The following UGT1A7 variants were observed in gnomAD, a reference collection of about 807,000 sequenced individuals.
UGT1A7 encodes UDP glucuronosyltransferase family 1 member A7.
UGT1A7 carries 33 observed loss-of-function variants against 45.6 expected under a neutral mutation model. The ratio of observed to expected loss-of-function variants is 0.72; its 90% CI spans 0.55 to 0.97. The LOEUF (loss-of-function observed/expected upper bound fraction) is 0.97, where lower values mean the gene tolerates loss of function less well. Among genes scored for constraint, UGT1A7 ranks in the 50% least tolerant of loss-of-function variants. The pLI is 0.00. For synonymous variants in UGT1A7, 274 were observed against 250.6 expected (o/e 1.09, Z -0.88); for missense variants, 684 against 666.2 (o/e 1.03, Z -0.29).
Position 233,769,767 on chromosome 2 carries a change from A to T in UGT1A7, c.1295+1328A>T. On this transcript the variant is annotated intron_variant, in intron 4 of 4. Transcript: ENST00000373426. The surrounding 1 kb of genome is among the most constrained non-coding windows in gnomAD (Gnocchi z 4.4). The stretch of plus-strand genomic sequence containing the variant: ...CCACTCTGGAGGCTAAGGCGGGAGG[A>T]TTGCTTGAGCCCAGAAGTTGGAGGC... The T allele has an allele frequency of 7.3e-7, 1 of 1,374,514 alleles. No individual in the cohort carries two copies. Among genetic ancestry groups the T allele is most frequent in the Non-Finnish European group, 9.5e-7 (1 of 1,054,322 alleles). The allele number at this position is 1,374,514 out of a possible 1,614,324, so 85.1% of individuals were successfully genotyped here. A position where few individuals can be genotyped will look rare whatever the true frequency, so the allele number is the denominator to read the frequency against.
At chr2:233,762,499 T>G (rs1698093030) in intron 1 of UGT1A7, among the ~76,000 whole-genome samples, 1 of 152,234 alleles carries the variant, frequency 6.6e-6, no homozygotes, top group African/African-American at 2.4e-5. Context: ...GCTATTACTT[T>G]TTAAACTATG....
chr2:233,768,064 A>T, intron 3 of UGT1A7, 128 bp downstream of exon 3: 6 of 1,598,982 alleles, frequency 3.8e-6, no homozygotes, highest in Non-Finnish European at 4.3e-6. Context: ...ATTGCTTTTT[A>T]TCTAGTGGGG....
chr2:233,761,137 A>T, intron 1 of UGT1A7: 2 of 1,614,180 alleles, frequency 1.2e-6, no homozygotes, highest in Non-Finnish European at 1.7e-6. Flanking sequence ...CCTTCACCAA[A>T]ATCCACTATC....
intron 1 of UGT1A7, chr2:233,747,117 G>C: frequency 6.9e-7 from 1 of 1,451,680 alleles, no homozygotes; most frequent in Non-Finnish European, 9.3e-7. Flanking sequence ...ATGATGATTT[G>C]CTAAGTGGCT....
At chr2:233,691,686 G>A (rs1176171768) in intron 1 of UGT1A7, 5 of 955,192 alleles carry the variant, frequency 5.2e-6, no homozygotes, top group East Asian at 1.2e-4. Context: ...GAAACCTGAA[G>A]CTCAGGAGAG....
intron 1 of UGT1A7, chr2:233,690,479 G>A (rs1407295100): frequency 5.4e-6 from 7 of 1,288,496 alleles, no homozygotes; most frequent in Non-Finnish European, 7.1e-6. Context: ...TTTACTTTTT[G>A]GGAAATCTGC....
chr2:233,747,362 G>T lies in UGT1A7; in HGVS notation c.856-19672G>T. 4 of 1,603,780 alleles carry T rather than the reference G, an allele frequency of 2.5e-6. No homozygotes were observed. In the South Asian group the frequency reaches 4.4e-5, roughly 18 times the overall value. On this transcript the variant is annotated intron_variant, in intron 1 of 4. Coordinates refer to ENST00000373426, the MANE Select transcript of UGT1A7 (RefSeq NM_019077.3). ...CTCGCATGCGGGAGGCCGTGCGGGA[G>T]CTCCATGCCAGAGGCCACCAGGCGG...
intron 1 of UGT1A7, chr2:233,708,678 G>A (rs935708271): frequency 6.6e-6 from 1 of 152,188 alleles, no homozygotes; most frequent in African/African-American, 2.4e-5. Flanking sequence ...TTGAGCCCAG[G>A]AGTTCAAGGT....
intron 1 of UGT1A7, among the ~76,000 whole-genome samples, chr2:233,714,844 A>G (rs563954106): frequency 6.6e-6 from 1 of 152,320 alleles, no homozygotes; most frequent in East Asian, 1.9e-4. Flanking sequence ...ATGTTTATAA[A>G]TATTCCATGG....
intron 1 of UGT1A7, among the ~76,000 whole-genome samples, chr2:233,740,427 G>A (rs1010864100): frequency 1.4e-4 from 22 of 151,978 alleles, no homozygotes; most frequent in Admixed American, 1.4e-3. Flanking sequence ...CCTGTTTGGA[G>A]ACAGAAAGTG....
chr2:233,745,917 G>A (rs976773367), intron 1 of UGT1A7, among the ~76,000 whole-genome samples: 1 of 151,628 alleles, frequency 6.6e-6, no homozygotes, highest in Non-Finnish European at 1.5e-5. Flanking sequence ...AGCTGAGGCA[G>A]TGATTCAGAA....
chr2:233,768,296 C>T lies in UGT1A7; in HGVS notation c.1152C>T (p.Pro384=), dbSNP rs763217521. 13 of 1,614,024 alleles carry T rather than the reference C, an allele frequency of 8.1e-6. No homozygotes were observed. In the African/African-American group the frequency reaches 1.1e-4, roughly 13 times the overall value. ...GVYESICNGV[P]MVMMPLFGDQ... is the part of the protein sequence containing the mutation. The stretch of plus-strand genomic sequence containing the variant: ...ATGAAAGCATATGCAATGGCGTTCC[C>T]ATGGTGATGATGCCCTTGTTTGGTG... Residue 384 remains proline (P), a synonymous_variant, in exon 4 of 5, where the codon CCC becomes CCT. Coordinates refer to ENST00000373426, the MANE Select transcript of UGT1A7 (RefSeq NM_019077.3).
intron 1 of UGT1A7, among the ~76,000 whole-genome samples, chr2:233,719,947 A>G (rs1392958474): frequency 6.6e-6 from 1 of 152,220 alleles, no homozygotes; most frequent in Admixed American, 6.5e-5. Context: ...TAAAGGCACC[A>G]TCTTCATGGT....
At chr2:233,762,623 C>A (rs1698115974) in intron 1 of UGT1A7, among the ~76,000 whole-genome samples, 1 of 152,126 alleles carries the variant, frequency 6.6e-6, no homozygotes, top group Non-Finnish European at 1.5e-5. Flanking sequence ...GTTGTGACCT[C>A]AAACACTTCC....
At chr2:233,699,179 A>C (rs1050199722) in intron 1 of UGT1A7, among the ~76,000 whole-genome samples, 1 of 151,668 alleles carries the variant, frequency 6.6e-6, no homozygotes, top group Non-Finnish European at 1.5e-5. Context: ...TCTGATCCTC[A>C]CTTCTTCTTC....
intron 1 of UGT1A7, among the ~76,000 whole-genome samples, chr2:233,710,720 A>T (rs1249058463): frequency 2.0e-5 from 3 of 152,188 alleles, no homozygotes; most frequent in African/African-American, 7.2e-5. Context: ...TTCATTTTTT[A>T]AAAAACAACG....
chr2:233,696,633 T>C (rs1245843858), intron 1 of UGT1A7, among the ~76,000 whole-genome samples: 3 of 152,220 alleles, frequency 2.0e-5, no homozygotes, highest in East Asian at 3.9e-4. Flanking sequence ...TCTTGCTTAA[T>C]TGCTTTGGAT....
At position 233,755,271 on chromosome 2, in the gene UGT1A7, C is replaced by T. The variant is rs549656252; in HGVS notation, c.856-11763C>T. ...CAGCACCTCGTAGTAGTCCACTATGCTGGACTGCCAAAGAGCCTGCGGGGC... is the reference window on the plus strand; with the variant it reads ...CAGCACCTCGTAGTAGTCCACTATGTTGGACTGCCAAAGAGCCTGCGGGGC... On this transcript the variant is annotated intron_variant, in intron 1 of 4. Transcript: ENST00000373426. The T allele has an allele frequency of 4.5e-5, 34 of 755,818 alleles. No individual in the cohort carries two copies. In the African/African-American group the frequency reaches 6.1e-4, roughly 13 times the overall value. 46.8% of individuals were successfully genotyped at this position (755,818 alleles called of 1,614,324 possible). A position where few individuals can be genotyped will look rare whatever the true frequency, so the allele number is the denominator to read the frequency against.
chr2:233,724,305 C>G (rs2077214649), intron 1 of UGT1A7, among the ~76,000 whole-genome samples: 3 of 147,406 alleles, frequency 2.0e-5, no homozygotes, highest in Admixed American at 6.7e-5. Context: ...CCCCACCTCC[C>G]TCCCGGACGG....
Sources: gnomAD v4.1 joint callset for allele counts (sites outside exome capture counted in the v4.1 genomes callset) on GRCh38, gnomAD v4.1.1 for gene constraint, Gnocchi (gnomAD v3.1) non-coding constraint, MANE v1.5 for transcripts, NCBI Gene and HGNC (gene_info 2026-07-23, HGNC 2026-07-21) for gene names.